The following NRG3 variants were observed in gnomAD, a reference collection of about 807,000 sequenced individuals.
The protein encoded by NRG3 is neuregulin 3.
Under a neutral mutation model 66.9 loss-of-function variants are expected in NRG3, and 31 were observed. The observed-to-expected ratio is 0.46, with a 90% CI of 0.35 to 0.63. The LOEUF is 0.63. NRG3 is among the 20% of genes least tolerant of loss of function. The pLI is 0.00. For synonymous variants in NRG3, 393 were observed against 359.4 expected (o/e 1.09, Z -1.06); for missense variants, 910 against 878.9 (o/e 1.04, Z -0.45).
intron 2 of NRG3, among the ~76,000 whole-genome samples, chr10:82,443,482 G>A (rs1026691464): frequency 1.4e-4 from 21 of 152,264 alleles, no homozygotes; most frequent in African/African-American, 4.3e-4. Context: ...CATGCAGTTT[G>A]TTAAATTATT....
chr10:82,918,839 A>T (rs1483595774), intron 4 of NRG3, among the ~76,000 whole-genome samples: 3 of 152,164 alleles, frequency 2.0e-5, no homozygotes, highest in Non-Finnish European at 2.9e-5. Flanking sequence ...TTCAAGTGTA[A>T]TTTTTTTAGA....
At chr10:82,922,428 A>G (rs1373305218) in intron 4 of NRG3, among the ~76,000 whole-genome samples, 1 of 151,920 alleles carries the variant, frequency 6.6e-6, no homozygotes, top group Non-Finnish European at 1.5e-5. Flanking sequence ...CTATTTCTTT[A>G]CCTATGTCTG....
chr10:82,044,057 C>A (rs1262951921), intron 1 of NRG3, among the ~76,000 whole-genome samples: 1 of 151,850 alleles, frequency 6.6e-6, no homozygotes, highest in East Asian at 1.9e-4. Flanking sequence ...TGAGTTTAAT[C>A]CAGGAATGAA....
At chr10:82,096,004 G>A (rs1366880643) in intron 1 of NRG3, among the ~76,000 whole-genome samples, 1 of 152,116 alleles carries the variant, frequency 6.6e-6, no homozygotes, top group African/African-American at 2.4e-5. Flanking sequence ...CCTGCATAAT[G>A]TCATGAAAGT....
At chr10:81,967,314 TTTTTA>T (rs2059768127) in intron 1 of NRG3, among the ~76,000 whole-genome samples, 1 of 151,856 alleles carries the variant, frequency 6.6e-6, no homozygotes, top group South Asian at 2.1e-4. Context: ...TCCCTTGTGT[TTTTTA>T]TTTTATTATT....
rs2086919688 is a variant in NRG3 at position 82,399,279 on chromosome 10, A to T, written c.953+40411A>T. ...TTCTAGACGTACCAAATAGAAGGGA[A>T]TTACACCAACTCAAACCCAGGGCAC... On this transcript the variant is annotated intron_variant, in intron 2 of 8. Transcript: ENST00000372141. Among the ~76,000 whole-genome samples, 3 of 152,318 alleles carry T rather than the reference A, an allele frequency of 2.0e-5. No individual in the cohort carries two copies. The South Asian group carries it at 6.2e-4, about 32-fold the overall frequency.
At chr10:82,691,406 C>G (rs989951157) in intron 2 of NRG3, among the ~76,000 whole-genome samples, 3 of 152,160 alleles carry the variant, frequency 2.0e-5, no homozygotes, top group South Asian at 4.1e-4. Flanking sequence ...TGTCTGCCTG[C>G]CAACCAGCTG....
chr10:82,743,141 A>C (rs552854039), intron 3 of NRG3, among the ~76,000 whole-genome samples: 1 of 152,178 alleles, frequency 6.6e-6, no homozygotes, highest in East Asian at 1.9e-4. Context: ...TCCAGTACTT[A>C]GCATATTCCT....
At chr10:82,735,074 AAG>A (rs2058090077) in intron 2 of NRG3, among the ~76,000 whole-genome samples, 1 of 152,104 alleles carries the variant, frequency 6.6e-6, no homozygotes, top group African/African-American at 2.4e-5. Context: ...GAAAGAAAGA[AAG>A]AAATTCACTG....
intron 2 of NRG3, among the ~76,000 whole-genome samples, chr10:82,538,702 GA>G (rs113244184): frequency 2.0e-4 from 29 of 147,936 alleles, no homozygotes; most frequent in African/African-American, 6.2e-4. Flanking sequence ...TTTTTCACCA[GA>G]AAAAAAAAAT....
intron 1 of NRG3, among the ~76,000 whole-genome samples, chr10:81,913,918 G>T (rs1845423798): frequency 6.6e-6 from 1 of 152,176 alleles, no homozygotes; most frequent in South Asian, 2.1e-4. Flanking sequence ...TAAAAAGGAG[G>T]TTGAAAATCT....
intron 1 of NRG3, among the ~76,000 whole-genome samples, chr10:81,883,883 C>T (rs10883866): frequency 6.6e-6 from 1 of 151,844 alleles, no homozygotes; most frequent in African/African-American, 2.4e-5. Context: ...GATAATCAGT[C>T]TTGGAAGGGG....
intron 2 of NRG3, among the ~76,000 whole-genome samples, chr10:82,458,068 G>A (rs989904549): frequency 7.9e-5 from 12 of 152,194 alleles, no homozygotes; most frequent in African/African-American, 2.4e-4. Flanking sequence ...CTGCCACTGG[G>A]CCTCAGGCCC....
At chr10:82,238,791 C>T (rs1034002576) in intron 1 of NRG3, among the ~76,000 whole-genome samples, 5 of 151,804 alleles carry the variant, frequency 3.3e-5, no homozygotes, top group African/African-American at 1.2e-4. Flanking sequence ...CTTCTCATTG[C>T]TGCATGATTC....
intron 4 of NRG3, among the ~76,000 whole-genome samples, chr10:82,900,031 AG>A (rs1239676267): frequency 6.6e-6 from 1 of 152,186 alleles, no homozygotes; most frequent in Non-Finnish European, 1.5e-5. Flanking sequence ...GCTTCTGGGG[AG>A]GCCCCAAGAA....
intron 2 of NRG3, among the ~76,000 whole-genome samples, chr10:82,376,574 C>A (rs1352321991): frequency 2.0e-5 from 3 of 152,156 alleles, no homozygotes; most frequent in Admixed American, 6.5e-5. Context: ...ACAGAATTTT[C>A]CAGAGGTGGT....
intron 2 of NRG3, among the ~76,000 whole-genome samples, chr10:82,433,791 C>G (rs1269784216): frequency 3.3e-5 from 5 of 152,120 alleles, no homozygotes; most frequent in African/African-American, 1.2e-4. Context: ...GGTCTCTGTT[C>G]TACTTCATAG....
intron 2 of NRG3, among the ~76,000 whole-genome samples, chr10:82,728,542 G>A (rs952028039): frequency 2.0e-5 from 3 of 152,166 alleles, no homozygotes; most frequent in Non-Finnish European, 4.4e-5. Context: ...TCAGCCATGT[G>A]GAACTGTAAG....
intron 4 of NRG3, 124 bp from the exon 5 acceptor site, chr10:82,951,345 A>G (rs1849497239): frequency 3.0e-6 from 2 of 658,514 alleles, no homozygotes; most frequent in South Asian, 1.9e-5. Flanking sequence ...TTTTTTCCCT[A>G]TTTATGACAG....
Sources: gnomAD v4.1 joint callset for allele counts (sites outside exome capture counted in the v4.1 genomes callset) on GRCh38, gnomAD v4.1.1 for gene constraint, MANE v1.5 for transcripts, NCBI Gene and HGNC (gene_info 2026-07-23, HGNC 2026-07-21) for gene names.